Variants in GFI1 observed in about 807,000 individuals in gnomAD.
The protein encoded by GFI1 is zinc finger protein Gfi-1.
Under a neutral mutation model 39.2 loss-of-function variants are expected in GFI1, and 15 were observed. That is an observed-to-expected ratio of 0.38 (90% confidence interval 0.26 to 0.59). GFI1 has a LOEUF of 0.59. GFI1 is among the 20% of genes least tolerant of loss of function. The pLI is 0.62. For missense variants in GFI1, 475 were observed against 574.0 expected (o/e 0.83, Z 1.76); for synonymous variants, 239 against 254.3 (o/e 0.94, Z 0.57).
intron 2 of GFI1, 66 bp from the exon 3 acceptor site, chr1:92,483,112 C>T: frequency 7.2e-7 from 1 of 1,384,504 alleles, no homozygotes; most frequent in South Asian, 1.4e-5. Context: ...GCTGAAGGCT[C>T]CCCCAATCCC....
chr1:92,478,818 C>T (rs1658091717), intron 5 of GFI1, 65 bp from the exon 6 acceptor site: 1 of 1,581,686 alleles, frequency 6.3e-7, no homozygotes, highest in South Asian at 1.1e-5. Context: ...CTGCAGTCAA[C>T]TAGACTGCTG....
intron 5 of GFI1, 30 bp from the exon 6 acceptor site, chr1:92,478,783 G>GAGAGAGAGAC: frequency 6.2e-7 from 1 of 1,605,564 alleles, no homozygotes. Flanking sequence ...GAGAGAGAGA[G>GAGAGAGAGAC]AGAGAGAGAG....
rs1657895369 is a variant in GFI1, at chr1:92,475,151, T to C, written c.*878A>G. On this transcript the variant is annotated 3_prime_UTR_variant, in exon 7 of 7. Coordinates refer to ENST00000294702, the MANE Select transcript of GFI1 (RefSeq NM_005263.5). ...CCCAGCCACTTGGAGGTGCAACCGTTAGCTTTTGAGGAGCAGTCAGGGGTT... is the reference window on the plus strand; with the variant it reads ...CCCAGCCACTTGGAGGTGCAACCGTCAGCTTTTGAGGAGCAGTCAGGGGTT... 1 of 152,222 alleles carries C rather than the reference T, an allele frequency of 6.6e-6. No individual in the cohort carries two copies. The allele number at this position is 152,222 out of a possible 1,614,324, so 9.4% of individuals were successfully genotyped here. A position where few individuals can be genotyped will look rare whatever the true frequency, so the allele number is the denominator to read the frequency against.
At chr1:92,476,327 CA>C (rs1657975034) in intron 6 of GFI1, 120 bp from the exon 7 acceptor site, 1 of 897,436 alleles carries the variant, frequency 1.1e-6, no homozygotes, top group Non-Finnish European at 1.8e-6. Flanking sequence ...GGCCTTCAAG[CA>C]ACTTGGAGGG....
chr1:92,480,809 G>T lies in GFI1; in HGVS notation c.578C>A (p.Ala193Asp), dbSNP rs759560072. 4.4e-6 allele frequency: 7 copies of T among 1,583,560 alleles called. No homozygotes were observed. The highest frequency in any genetic ancestry group is 6.0e-6 in the Non-Finnish European group (7 of 1,167,794). ...GCCGTAGAGCCCTAGGCCAGGGCCA[G>T]CGGTGGCACCGGCCCCTGCGCTGCA... is the stretch of plus-strand genomic sequence containing the variant. ...GSCSAGAGAT[A>D]GPGLGLYGDF... Residue 193 changes from alanine to aspartate, a missense_variant, in exon 4 of 7, where the codon GCT (alanine) becomes GAT (aspartate). By Grantham distance (126) the Ala-to-Asp change is moderately radical. Around this residue, in one of 4 missense-constraint regions of GFI1, gnomAD observed 275 missense variants for 275.8 expected, o/e 1.00. Coordinates refer to ENST00000294702, the MANE Select transcript of GFI1 (RefSeq NM_005263.5). The surrounding 1 kb of genome is among the most constrained non-coding windows in gnomAD (Gnocchi z 5.6).
rs1461744419 is a variant in GFI1 at position 92,475,836 on chromosome 1, A to G, written c.*193T>C. 1 of 618,586 alleles carries G rather than the reference A, an allele frequency of 1.6e-6. No individual in the cohort carries two copies. Among genetic ancestry groups the G allele is most frequent in the Non-Finnish European group, 2.9e-6 (1 of 344,956 alleles). The allele number at this position is 618,586 out of a possible 1,614,324, so 38.3% of individuals were successfully genotyped here. On this transcript the variant is annotated 3_prime_UTR_variant, in exon 7 of 7. Transcript: ENST00000294702. ...GTTCTCACTCTCGGCTGCACTTTGA[A>G]AAGGTACCTCATTTCTTCTGGCAGC...
chr1:92,485,813 C>T lies in GFI1; in HGVS notation c.-100+913G>A, dbSNP rs1024094767. ...ACCACCAGACCGCCTGCTGCGCGCC[C>T]CCAGCTCCAGATTTCCAGTCACACT... On this transcript the variant is annotated intron_variant, in intron 1 of 6. Transcript: ENST00000294702. 4.6e-5 allele frequency among the ~76,000 whole-genome samples: 7 copies of T among 152,352 alleles called. No homozygotes were observed. In the East Asian group the frequency reaches 1.4e-3, roughly 29 times the overall value.
chr1:92,483,975 TGC>T, intron 1 of GFI1: 1 of 246,602 alleles, frequency 4.1e-6, no homozygotes, highest in South Asian at 4.8e-5. Flanking sequence ...TGCCTGGCTG[TGC>T]TTTACGGCTG....
At position 92,480,806 on chromosome 1, in the gene GFI1, C is replaced by G; in HGVS notation, c.581G>C (p.Gly194Ala). 3 of 1,585,650 alleles carry G rather than the reference C, an allele frequency of 1.9e-6. No individual in the cohort carries two copies. Among genetic ancestry groups the G allele is most frequent in the Non-Finnish European group, 2.6e-6 (3 of 1,169,028 alleles). The change falls in exon 4 of 7, where the codon GGC (glycine) becomes GCC (alanine). Residue 194 changes from glycine to alanine, a missense_variant. This residue lies in a region of GFI1 where 275 missense variants were observed against 275.8 expected (regional missense o/e 1.00). Coordinates refer to ENST00000294702, the MANE Select transcript of GFI1 (RefSeq NM_005263.5). The surrounding 1 kb of genome is among the most constrained non-coding windows in gnomAD (Gnocchi z 5.6). ...GTCGCCGTAGAGCCCTAGGCCAGGG[C>G]CAGCGGTGGCACCGGCCCCTGCGCT... ...SCSAGAGATA[G>A]PGLGLYGDFG...
Position 92,481,125 on chromosome 1 carries a change from A to G in GFI1, c.299-37T>C. 6.3e-7 allele frequency: 1 copy of G among 1,576,260 alleles called. No individual in the cohort carries two copies. The highest frequency in any genetic ancestry group is 8.7e-7 in the Non-Finnish European group (1 of 1,152,920). On this transcript the variant is annotated intron_variant, in intron 3 of 6. Transcript: ENST00000294702. This position sits in a 1 kb window ranked among gnomAD's most constrained non-coding sequence, Gnocchi z 4.3. ...CAAGGGGAGCGTCCGGTCAGGCTTCAGACGGCAGAGCGGAGGCCGCCGGGC... is the reference window on the plus strand; with the variant it reads ...CAAGGGGAGCGTCCGGTCAGGCTTCGGACGGCAGAGCGGAGGCCGCCGGGC...
At position 92,483,524 on chromosome 1, in the gene GFI1, C is replaced by G. The variant is rs1658388521; in HGVS notation, c.-37G>C. 20 of 1,239,720 alleles carry G rather than the reference C, an allele frequency of 1.6e-5. No individual in the cohort carries two copies. Among genetic ancestry groups the G allele is most frequent in the Non-Finnish European group, 2.3e-5 (20 of 851,746 alleles). The allele number at this position is 1,239,720 out of a possible 1,614,324, so 76.8% of individuals were successfully genotyped here. A position where few individuals can be genotyped will look rare whatever the true frequency, so the allele number is the denominator to read the frequency against. ...ACTTTCCCCACTGCGCCCCAAGAGT[C>G]CCTGGAGCCGCTGTCACCCACGGTC... On this transcript the variant is annotated 5_prime_UTR_variant, in exon 2 of 7. Coordinates refer to ENST00000294702, the MANE Select transcript of GFI1 (RefSeq NM_005263.5).
Position 92,480,467 on chromosome 1 carries a change from C to G in GFI1, c.805G>C (p.Gly269Arg). The change falls in exon 5 of 7, where the codon GGG becomes CGG. Residue 269 changes from glycine (G) to arginine (R), a missense_variant. By Grantham distance (125) the Gly-to-Arg change is moderately radical (BLOSUM62 -2). This residue lies in a region of GFI1 where 79 missense variants were observed against 68.4 expected (regional missense o/e 1.15). Transcript: ENST00000294702. This position sits in a 1 kb window ranked among gnomAD's most constrained non-coding sequence, Gnocchi z 5.6. ...GACCTGCGCACGTGCACCTCGAGCC[C>G]GTGCGGCGTGGAGAACACCTAAGGC... ...KCSKVFSTPHGLEVHVRRSHS... is the reference protein window; with the variant it reads ...KCSKVFSTPHRLEVHVRRSHS... 3 of 1,550,232 alleles carry G rather than the reference C, an allele frequency of 1.9e-6. No individual in the cohort carries two copies. Among genetic ancestry groups the G allele is most frequent in the Non-Finnish European group, 2.6e-6 (3 of 1,146,602 alleles).
chr1:92,484,009 C>T lies in GFI1; in HGVS notation c.-99-423G>A, dbSNP rs1278551982. The T allele has an allele frequency of 2.1e-5, 5 of 238,392 alleles. No homozygotes were observed. The highest frequency in any genetic ancestry group is 5.3e-5 in the South Asian group (1 of 18,882). 14.8% of individuals were successfully genotyped at this position (238,392 alleles called of 1,614,324 possible). A position where few individuals can be genotyped will look rare whatever the true frequency, so the allele number is the denominator to read the frequency against. ...GCTGGCGAGGGAGGGCGGGGACACGCGGATCGGTTTAGGGGCCGGGGATGC... is the reference window on the plus strand; with the variant it reads ...GCTGGCGAGGGAGGGCGGGGACACGTGGATCGGTTTAGGGGCCGGGGATGC... On this transcript the variant is annotated intron_variant, in intron 1 of 6. Transcript: ENST00000294702. This position sits in a 1 kb window ranked among gnomAD's most constrained non-coding sequence, Gnocchi z 4.1.
chr1:92,479,287 C>A (rs1020107021), intron 5 of GFI1, among the ~76,000 whole-genome samples: 2 of 152,342 alleles, frequency 1.3e-5, no homozygotes, highest in African/African-American at 4.8e-5. Flanking sequence ...CCCTCCTCAA[C>A]AGGAGGCTTA....
At chr1:92,483,950 C>G (rs757775200) in intron 1 of GFI1, 13 of 269,458 alleles carry the variant, frequency 4.8e-5, no homozygotes, top group Non-Finnish European at 8.9e-5. Context: ...TACCCCAACT[C>G]AGCTACTCAT....
chr1:92,484,326 T>A lies in GFI1; in HGVS notation c.-99-740A>T, dbSNP rs1396054020. The A allele has an allele frequency of 6.5e-6, 1 of 152,672 alleles. No homozygotes were observed. Among genetic ancestry groups the A allele is most frequent in the African/African-American group, 2.4e-5 (1 of 41,426 alleles). The allele number at this position is 152,672 out of a possible 1,614,324, so 9.5% of individuals were successfully genotyped here. On this transcript the variant is annotated intron_variant, in intron 1 of 6. Coordinates refer to ENST00000294702, the MANE Select transcript of GFI1 (RefSeq NM_005263.5). The surrounding 1 kb of genome is among the most constrained non-coding windows in gnomAD (Gnocchi z 4.1). ...CTAGTGCCCCACGTAGGAGAAACTT[T>A]GCCCTTGGACTCCCGGCTGCGGCGG...
At position 92,474,831 on chromosome 1, in the gene GFI1, C is replaced by G. The variant is rs938200815; in HGVS notation, c.*1198G>C. Reference sequence around the variant, plus strand: ...TATGTATTAACAAACATAATGCTTACCAGAAGATCTAAAAACATTTACCAA... The same window carrying G: ...TATGTATTAACAAACATAATGCTTAGCAGAAGATCTAAAAACATTTACCAA... On this transcript the variant is annotated 3_prime_UTR_variant, in exon 7 of 7. Transcript: ENST00000294702. 1.3e-5 allele frequency: 2 copies of G among 152,536 alleles called. No individual in the cohort carries two copies. Among genetic ancestry groups the G allele is most frequent in the Non-Finnish European group, 2.9e-5 (2 of 68,038 alleles). 9.4% of individuals were successfully genotyped at this position (152,536 alleles called of 1,614,324 possible).
rs1207661461 is a variant in GFI1 at position 92,482,018 on chromosome 1, G to A, written c.298+846C>T. Among the ~76,000 whole-genome samples, 1 of 151,934 alleles carries A rather than the reference G, an allele frequency of 6.6e-6. No individual in the cohort carries two copies. The highest frequency in any genetic ancestry group is 2.4e-5 in the African/African-American group (1 of 41,344). ...GGCTGTACCCGGAGTTTCGTTCGGA[G>A]GGGTTCGGGGCGCGCCCAATCCTTG... On this transcript the variant is annotated intron_variant, in intron 3 of 6. Coordinates refer to ENST00000294702, the MANE Select transcript of GFI1 (RefSeq NM_005263.5). This position sits in a 1 kb window ranked among gnomAD's most constrained non-coding sequence, Gnocchi z 4.4.
rs550414938 is a variant in GFI1 at position 92,483,448 on chromosome 1, T to C, written c.40A>G (p.Ser14Gly). The C allele has an allele frequency of 6.2e-7, 1 of 1,612,616 alleles. No individual in the cohort carries two copies. The highest frequency in any genetic ancestry group is 1.3e-5 in the African/African-American group (1 of 74,990). Reference sequence around the variant, plus strand: ...CCTGGGGAGCGCGGCTGGTGGTAGCTGTGAGCCTTCTTGCTTTTGACGAGA... The same window carrying C: ...CCTGGGGAGCGCGGCTGGTGGTAGCCGTGAGCCTTCTTGCTTTTGACGAGA... ...SFLVKSKKAH[S>G]YHQPRSPGPD... Residue 14 changes from serine to glycine, a missense_variant, in exon 2 of 7, where the codon AGC becomes GGC. This residue lies in a region of GFI1 where 275 missense variants were observed against 275.8 expected (regional missense o/e 1.00). Coordinates refer to ENST00000294702, the MANE Select transcript of GFI1 (RefSeq NM_005263.5).
Sources: gnomAD v4.1 joint callset for allele counts (sites outside exome capture counted in the v4.1 genomes callset) on GRCh38, gnomAD v4.1.1 for gene constraint, gnomAD v4.1.1 regional missense constraint, Gnocchi (gnomAD v3.1) non-coding constraint, MANE v1.5 for transcripts, NCBI Gene and HGNC (gene_info 2026-07-23, HGNC 2026-07-21) for gene names.